Variants in BEAN1 observed in about 807,000 individuals in gnomAD.
The protein encoded by BEAN1 is brain expressed associated with NEDD4 1, also known as protein BEAN1.
In BEAN1, 17 loss-of-function variants were observed where a neutral mutation model predicts 17.7. The observed-to-expected ratio is 0.96, with a 90% CI of 0.66 to 1.44. The LOEUF (loss-of-function observed/expected upper bound fraction) is 1.44. BEAN1 is among the 40% of genes most tolerant of loss of function. The pLI, the probability that BEAN1 is intolerant of heterozygous loss-of-function variation, is 0.00. For synonymous variants in BEAN1, 142 were observed against 151.8 expected, an observed-to-expected ratio of 0.94 and a Z score of 0.47; for missense variants, 359 against 374.1, an observed-to-expected ratio of 0.96 and a Z score of 0.33.
intron 4 of BEAN1, among the ~76,000 whole-genome samples, chr16:66,489,186 A>C (rs1328388960): frequency 2.0e-5 from 3 of 152,166 alleles, no homozygotes; most frequent in Non-Finnish European, 2.9e-5. Context: ...AAAAAACAAA[A>C]AAAAAAGTAT....
downstream of BEAN1, chr16:66,484,833 G>A (rs1298454651): frequency 4.4e-6 from 2 of 454,010 alleles, no homozygotes; most frequent in Non-Finnish European, 8.8e-6. The surrounding 1 kb of genome is among the most constrained non-coding windows in gnomAD (Gnocchi z 4.2). Flanking sequence ...GAGACGGGTT[G>A]TTTGTACCCT....
At position 66,434,948 on chromosome 16, in the gene BEAN1, G is replaced by C. The variant is rs894377120; in HGVS notation, c.-82-2647G>C. On this transcript the variant is annotated intron_variant, in intron 1 of 4. Transcript: ENST00000536005. This position sits in a 1 kb window ranked among gnomAD's most constrained non-coding sequence, Gnocchi z 4.3. Reference sequence around the variant, plus strand: ...ATGCCCTCGAGGAGCTACTGGTCTAGAATAATTTAGATCCGGAGTTGTCCT... The same window carrying C: ...ATGCCCTCGAGGAGCTACTGGTCTACAATAATTTAGATCCGGAGTTGTCCT... Among the ~76,000 whole-genome samples the C allele has an allele frequency of 6.6e-6, 1 of 152,118 alleles. No individual in the cohort carries two copies. Among genetic ancestry groups the C allele is most frequent in the African/African-American group, 2.4e-5 (1 of 41,440 alleles).
intron 2 of BEAN1, among the ~76,000 whole-genome samples, chr16:66,447,020 A>C (rs1467281560): frequency 6.6e-6 from 1 of 152,204 alleles, no homozygotes; most frequent in African/African-American, 2.4e-5. Flanking sequence ...CTGTAGTCTC[A>C]GCACTCTGGG....
intron 4 of BEAN1, among the ~76,000 whole-genome samples, chr16:66,489,121 G>A (rs183681362): frequency 2.2e-4 from 34 of 151,730 alleles, no homozygotes; most frequent in Admixed American, 5.3e-4. Flanking sequence ...GCAGTGAGCC[G>A]AGACTGCACT....
At chr16:66,455,688 CTTT>C (rs35075494) in intron 2 of BEAN1, among the ~76,000 whole-genome samples, 23 of 143,698 alleles carry the variant, frequency 1.6e-4, no homozygotes, top group African/African-American at 2.6e-4. Context: ...AATAAAGCTA[CTTT>C]TTTTTTTTTT....
intron 3 of BEAN1, among the ~76,000 whole-genome samples, chr16:66,476,878 T>TA (rs144584072): frequency 0.056 from 8,468 of 152,202 alleles, 333 homozygotes; most frequent in Admixed American, 0.092. Context: ...TGGTGCATGG[T>TA]AAAAAATGCA....
intron 2 of BEAN1, among the ~76,000 whole-genome samples, chr16:66,444,294 T>C (rs890395292): frequency 2.0e-5 from 3 of 152,114 alleles, no homozygotes; most frequent in Non-Finnish European, 4.4e-5. Context: ...CCTTTCCTCA[T>C]AGAGAGGTCT....
chr16:66,493,229 G>C (rs964328105), exon 5 of BEAN1: 18 of 702,942 alleles, frequency 2.6e-5, no homozygotes, highest in Middle Eastern at 4.6e-4. Flanking sequence ...GCACAGCTCA[G>C]AGAAAAGGCT....
At chr16:66,483,772 C>A (rs1171844427), downstream of BEAN1, 1 of 152,458 alleles carries the variant, frequency 6.6e-6, no homozygotes, top group Admixed American at 6.5e-5. Flanking sequence ...GGGTGCAATC[C>A]TGAAGGAGGG....
chr16:66,437,056 T>C (rs1417187316), intron 1 of BEAN1, among the ~76,000 whole-genome samples: 1 of 152,118 alleles, frequency 6.6e-6, no homozygotes, highest in Non-Finnish European at 1.5e-5. Context: ...AACTTCCTTG[T>C]TTATAAAATG....
intron 2 of BEAN1, among the ~76,000 whole-genome samples, chr16:66,455,884 A>G (rs1368600957): frequency 6.6e-6 from 1 of 152,138 alleles, no homozygotes; most frequent in Non-Finnish European, 1.5e-5. Flanking sequence ...TCAGGATTTC[A>G]CCATATTGCC....
intron 3 of BEAN1, 48 bp downstream of exon 3, chr16:66,469,913 T>C (rs1963411258): frequency 5.9e-6 from 9 of 1,517,022 alleles, no homozygotes; most frequent in Non-Finnish European, 7.9e-6. Flanking sequence ...CTGACTGGGA[T>C]TGCAACACAG....
rs1964153455 is a variant in BEAN1, at chr16:66,490,414, T to TATAAAATAAAATAAAATAAAATA, written c.148-2547_148-2546insTAAAATAAAATAAAATAAAATAA. 1.4e-4 allele frequency among the ~76,000 whole-genome samples: 18 copies of TATAAAATAAAATAAAATAAAATA among 127,844 alleles called. 1 individual carries two copies. The highest frequency in any genetic ancestry group is 2.2e-4 in the Non-Finnish European group (14 of 62,780). 83.9% of individuals were successfully genotyped at this position (127,844 alleles called of 152,430 possible). A position where few individuals can be genotyped will look rare whatever the true frequency, so the allele number is the denominator to read the frequency against. On this transcript the variant is annotated intron_variant, in intron 4 of 4. Coordinates refer to the BEAN1 transcript ENST00000561796. Reference sequence around the variant, plus strand: ...TCTGTTTCAATAAAATAAAATAAAATAAAATAAAATAAAATAAAATAAAAT... The same window carrying TATAAAATAAAATAAAATAAAATA: ...TCTGTTTCAATAAAATAAAATAAAATATAAAATAAAATAAAATAAAATAAAAATAAAATAAAATAAAATAAAAT...
chr16:66,484,567 G>A (rs1004288411), downstream of BEAN1: 8 of 453,918 alleles, frequency 1.8e-5, no homozygotes, highest in African/African-American at 1.4e-4. This position sits in a 1 kb window ranked among gnomAD's most constrained non-coding sequence, Gnocchi z 4.2. Flanking sequence ...GAGATGGAAG[G>A]TGAAGCTGCA....
chr16:66,493,288 C>T lies in BEAN1; in HGVS notation c.474C>T (p.Ser158=), dbSNP rs1178888728. The T allele has an allele frequency of 1.9e-5, 13 of 702,286 alleles. 1 individual carries two copies. Among genetic ancestry groups the T allele is most frequent in the Admixed American group, 1.4e-4 (7 of 49,986 alleles). 43.5% of individuals were successfully genotyped at this position (702,286 alleles called of 1,614,324 possible). Residue 158 remains serine, a synonymous_variant, in exon 5 of 5, where the codon TCC becomes TCT. Transcript: ENST00000561796. The stretch of plus-strand genomic sequence containing the variant: ...AGGGGGTTCAGCCAGGCCCAGGTTC[C>T]GGGGGACCACAGCAAGGTCCCTCAG...
chr16:66,429,607 C>T lies in BEAN1; in HGVS notation c.-83+2176C>T, dbSNP rs377097660. 1.4e-4 allele frequency among the ~76,000 whole-genome samples: 21 copies of T among 152,248 alleles called. No individual in the cohort carries two copies. The East Asian group carries it at 3.1e-3, about 22-fold the overall frequency. On this transcript the variant is annotated intron_variant, in intron 1 of 4. Transcript: ENST00000536005. ...AATCTCAGATGAGGAAACATGTCCA[C>T]ATGGTGCCAGGGTACACCTGGTAAG...
At chr16:66,488,237 G>A (rs1205574495) in intron 4 of BEAN1, among the ~76,000 whole-genome samples, 1 of 151,960 alleles carries the variant, frequency 6.6e-6, no homozygotes, top group Non-Finnish European at 1.5e-5. Flanking sequence ...GGGGGTGGGG[G>A]CCTTGGAATG....
At chr16:66,461,658 C>A (rs1963092019) in intron 2 of BEAN1, among the ~76,000 whole-genome samples, 2 of 152,018 alleles carry the variant, frequency 1.3e-5, no homozygotes. Context: ...TAAGCACCTG[C>A]AACCCTGCCA....
At chr16:66,474,634 G>A (rs1169958215) in intron 3 of BEAN1, among the ~76,000 whole-genome samples, 2 of 58,778 alleles carry the variant, frequency 3.4e-5, no homozygotes, top group African/African-American at 6.8e-5. Flanking sequence ...GGGAGGGAGG[G>A]AGGGAGGGAG....
Sources: allele counts gnomAD v4.1 joint callset (sites outside exome capture counted in the v4.1 genomes callset), GRCh38; gene constraint gnomAD v4.1.1; non-coding constraint Gnocchi (gnomAD v3.1); transcripts MANE v1.5; gene names NCBI Gene and HGNC (gene_info 2026-07-23, HGNC 2026-07-21).